HERC1: variants seen among roughly 807,000 people sequenced by gnomAD.
HERC1 encodes HECT and RLD domain containing E3 ubiquitin protein ligase family member 1.
A neutral mutation model predicts 554.3 loss-of-function variants in HERC1; 160 were observed. The observed-to-expected ratio is 0.29, with a 90% CI of 0.25 to 0.33. The LOEUF is 0.33. HERC1 is among the 10% of genes least tolerant of loss of function. The probability of loss-of-function intolerance (pLI) is 1.00; values close to 1 mark genes in which losing one functional copy is unlikely to be tolerated. For missense variants in HERC1, 4,919 were observed against 5,918.5 expected (o/e 0.83, Z 5.54); for synonymous variants, 2,175 against 2,131.7 (o/e 1.02, Z -0.56).
In HERC1 at chr15:63,616,589, C is replaced by T. The variant is rs1184323905; in HGVS notation, c.13782G>A (p.Lys4594=). ...GAGGGGCCAAGTGGAGGTCCAGAGG[C>T]TTCTTTGTGCGAATGGCAACCCCCA... The part of the protein sequence containing the change: ...ILMGVAIRTK[K]PLDLHLAPLV... Residue 4594 remains lysine, a synonymous_variant, in exon 75 of 78, where the codon AAG becomes AAA. Transcript: ENST00000443617. The T allele has an allele frequency of 1.2e-6, 2 of 1,613,964 alleles. No homozygotes were observed. Among genetic ancestry groups the T allele is most frequent in the Non-Finnish European group, 1.7e-6 (2 of 1,179,894 alleles).
chr15:63,627,674 GAAAAA>G (rs534164130), intron 70 of HERC1, among the ~76,000 whole-genome samples: 7 of 94,570 alleles, frequency 7.4e-5, no homozygotes, highest in Non-Finnish European at 1.5e-4. Context: ...ACTCTGTCTC[GAAAAA>G]AAAAAAAAAA....
intron 12 of HERC1, among the ~76,000 whole-genome samples, chr15:63,735,869 T>A (rs979407434): frequency 1.3e-5 from 2 of 152,182 alleles, no homozygotes; most frequent in South Asian, 2.1e-4. Flanking sequence ...GACAAATCTT[T>A]AATGACTTTC....
At chr15:63,830,662 T>C (rs2146159717) in intron 1 of HERC1, among the ~76,000 whole-genome samples, 1 of 152,366 alleles carries the variant, frequency 6.6e-6, no homozygotes, top group Non-Finnish European at 1.5e-5. Context: ...GGGAGCTTGG[T>C]GAAGAGTATG....
chr15:63,800,065 G>A (rs999813222), intron 1 of HERC1, among the ~76,000 whole-genome samples: 1 of 152,108 alleles, frequency 6.6e-6, no homozygotes, highest in African/African-American at 2.4e-5. Context: ...GCCACAGGAG[G>A]TCAAGGCTAC....
intron 76 of HERC1, among the ~76,000 whole-genome samples, chr15:63,613,214 C>T (rs1013920254): frequency 6.6e-6 from 1 of 152,170 alleles, no homozygotes; most frequent in African/African-American, 2.4e-5. Flanking sequence ...GATATTGCTG[C>T]TCTCATGTGG....
rs1238985665 is a variant in HERC1, at chr15:63,713,417, T to C, written c.4399A>G (p.Arg1467Gly). The C allele has an allele frequency of 6.2e-7, 1 of 1,614,020 alleles. No individual in the cohort carries two copies. Among genetic ancestry groups the C allele is most frequent in the Non-Finnish European group, 8.5e-7 (1 of 1,179,888 alleles). Residue 1467 changes from arginine to glycine, a missense_variant, in exon 23 of 78, where the codon AGA becomes GGA. Coordinates refer to ENST00000443617, the MANE Select transcript of HERC1 (RefSeq NM_003922.4). ...GGTTGCTGCAACTGTCCTTCTTCTC[T>C]TCGCTTCTGAAGCTCATCTATCACA... ...SPVIDELQKR[R>G]EEGQLQQPST...
chr15:63,826,927 A>C (rs1202667438), intron 1 of HERC1, among the ~76,000 whole-genome samples: 1 of 148,792 alleles, frequency 6.7e-6, no homozygotes, highest in Admixed American at 6.8e-5. Context: ...AAAATCTGGA[A>C]TTTGGGAATA....
chr15:63,680,253 A>C lies in HERC1; in HGVS notation c.6466-93T>G. ...CACATTAGAATTGAAAGCTTTTATGAGACAGAACAAAAGTTACTAGATCAA... is the reference window on the plus strand; with the variant it reads ...CACATTAGAATTGAAAGCTTTTATGCGACAGAACAAAAGTTACTAGATCAA... On this transcript the variant is annotated intron_variant, in intron 35 of 77. Transcript: ENST00000443617. This position sits in a 1 kb window ranked among gnomAD's most constrained non-coding sequence, Gnocchi z 5.8. 1.0e-6 allele frequency: 1 copy of C among 975,838 alleles called. No individual in the cohort carries two copies. Among genetic ancestry groups the C allele is most frequent in the Non-Finnish European group, 1.5e-6 (1 of 648,734 alleles). The allele number at this position is 975,838 out of a possible 1,614,324, so 60.4% of individuals were successfully genotyped here. A position where few individuals can be genotyped will look rare whatever the true frequency, so the allele number is the denominator to read the frequency against.
intron 2 of HERC1, among the ~76,000 whole-genome samples, chr15:63,769,873 T>A (rs2075896650): frequency 6.6e-6 from 1 of 152,024 alleles, no homozygotes; most frequent in Admixed American, 6.6e-5. Context: ...ATAAAAAAAA[T>A]AAATGTTTTT....
rs370890182 is a variant in HERC1, at chr15:63,637,641, G to A, written c.12096C>T (p.Val4032=). The A allele has an allele frequency of 9.0e-4, 1,390 of 1,546,560 alleles. 2 individuals are homozygous for A. Among genetic ancestry groups the A allele is most frequent in the Non-Finnish European group, 1.1e-3 (1,284 of 1,144,964 alleles). The change falls in exon 64 of 78, where the codon GTC becomes GTT. Residue 4032 remains valine, a splice_region_variant and synonymous_variant. Transcript: ENST00000443617. Reference sequence around the variant, plus strand: ...CAAAGGTACAATTCTGACCACAAATGACCTAGTATAAAAACACAGAATTAA... The same window carrying A: ...CAAAGGTACAATTCTGACCACAAATAACCTAGTATAAAAACACAGAATTAA... The part of the protein sequence containing the change: ...AAPSFSQAQQ[V]ICGQNCTFVI...
intron 58 of HERC1, 38 bp from the exon 59 acceptor site, chr15:63,643,096 C>T (rs1185270380): frequency 8.3e-7 from 1 of 1,205,202 alleles, no homozygotes; most frequent in African/African-American, 1.5e-5. Context: ...CACCATTGAA[C>T]TGTAGGTATA....
intron 51 of HERC1, among the ~76,000 whole-genome samples, chr15:63,653,871 T>C (rs1406915327): frequency 6.6e-6 from 1 of 152,214 alleles, no homozygotes; most frequent in Non-Finnish European, 1.5e-5. Flanking sequence ...TGTGAAGCTA[T>C]TCCTTTGGTT....
At position 63,612,178 on chromosome 15, in the gene HERC1, A is replaced by G; in HGVS notation, c.14400+73T>C. The G allele has an allele frequency of 7.4e-7, 1 of 1,354,920 alleles. No individual in the cohort carries two copies. The highest frequency in any genetic ancestry group is 1.0e-6 in the Non-Finnish European group (1 of 991,638). 83.9% of individuals were successfully genotyped at this position (1,354,920 alleles called of 1,614,324 possible). ...ACTCCAGCCTGGGCCACAGAGTGAG[A>G]CCCTGTCTCAACAAAAACAACAATG... On this transcript the variant is annotated intron_variant, in intron 77 of 77. Coordinates refer to ENST00000443617, the MANE Select transcript of HERC1 (RefSeq NM_003922.4). The surrounding 1 kb of genome is among the most constrained non-coding windows in gnomAD (Gnocchi z 5.0).
chr15:63,694,975 C>T lies in HERC1; in HGVS notation c.5122-81G>A. ...AAAAAGAAGTAATAACATTTTATTT[C>T]TAGTCTATGCTAGAGCCTTACGATG... On this transcript the variant is annotated intron_variant, in intron 27 of 77. Transcript: ENST00000443617. This position sits in a 1 kb window ranked among gnomAD's most constrained non-coding sequence, Gnocchi z 4.3. 3 of 1,246,002 alleles carry T rather than the reference C, an allele frequency of 2.4e-6. No homozygotes were observed. Among genetic ancestry groups the T allele is most frequent in the Non-Finnish European group, 2.2e-6 (2 of 898,542 alleles). The allele number at this position is 1,246,002 out of a possible 1,614,324, so 77.2% of individuals were successfully genotyped here.
intron 1 of HERC1, among the ~76,000 whole-genome samples, chr15:63,832,825 AT>A (rs2078202448): frequency 3.9e-5 from 6 of 152,210 alleles, no homozygotes; most frequent in Non-Finnish European, 8.8e-5. Context: ...CCAAGCAAGG[AT>A]AAAAAAAAAT....
At chr15:63,713,261 G>C in intron 23 of HERC1, 92 bp downstream of exon 23, 1 of 1,080,434 alleles carries the variant, frequency 9.3e-7, no homozygotes, top group Non-Finnish European at 1.4e-6. Context: ...GTTAACATCA[G>C]AACACTGTAA....
intron 12 of HERC1, among the ~76,000 whole-genome samples, chr15:63,743,386 C>G (rs1220670536): frequency 6.6e-6 from 1 of 151,582 alleles, no homozygotes; most frequent in Non-Finnish European, 1.5e-5. Context: ...CTTAGCCTCC[C>G]GAGTAGCTGG....
chr15:63,654,011 A>G, intron 51 of HERC1, 108 bp downstream of exon 51: 1 of 809,588 alleles, frequency 1.2e-6, no homozygotes. Context: ...TACGTGTGAA[A>G]GAGAGTGACA....
intron 47 of HERC1, 31 bp downstream of exon 47, chr15:63,659,705 A>G: frequency 6.6e-7 from 1 of 1,523,068 alleles, no homozygotes; most frequent in Non-Finnish European, 9.1e-7. Flanking sequence ...TAGATGCTAT[A>G]AAATCAATGC....
Sources: allele counts gnomAD v4.1 joint callset (sites outside exome capture counted in the v4.1 genomes callset), GRCh38; gene constraint gnomAD v4.1.1; non-coding constraint Gnocchi (gnomAD v3.1); transcripts MANE v1.5; gene names NCBI Gene and HGNC (gene_info 2026-07-23, HGNC 2026-07-21).